IL19: variants seen among roughly 807,000 people sequenced by gnomAD.
IL19 encodes the protein interleukin 19, also known as interleukin-19.
In IL19, 15 loss-of-function variants were observed where a neutral mutation model predicts 19.5. The ratio of observed to expected loss-of-function variants is 0.77; its 90% CI spans 0.52 to 1.19. IL19 has a LOEUF of 1.19. Ranked by LOEUF, IL19 falls within the 50% of genes most tolerant of loss-of-function variation. The pLI, the probability that IL19 is intolerant of heterozygous loss-of-function variation, is 0.00. For missense variants in IL19, 199 were observed against 213.1 expected (o/e 0.93, Z 0.41); for synonymous variants, 78 against 78.3 (o/e 1.00, Z 0.02).
intron 2 of IL19, among the ~76,000 whole-genome samples, chr1:206,808,838 A>G (rs2102466038): frequency 6.6e-6 from 1 of 152,312 alleles, no homozygotes; most frequent in South Asian, 2.1e-4. Context: ...GTGGTGCAAC[A>G]AAGAAGGTGA....
rs528923245 is a variant in IL19, at chr1:206,827,992, T to C, written c.-2-8669T>C. Among the ~76,000 whole-genome samples, 4 of 152,358 alleles carry C rather than the reference T, an allele frequency of 2.6e-5. No homozygotes were observed. The South Asian group carries it at 8.3e-4, about 32-fold the overall frequency. Reference sequence around the variant, plus strand: ...GATGAAAACAGACAATGCATATGGATGCTTCACACAGACCCTGGGGTGGCA... The same window carrying C: ...GATGAAAACAGACAATGCATATGGACGCTTCACACAGACCCTGGGGTGGCA... On this transcript the variant is annotated intron_variant, in intron 2 of 6. Transcript: ENST00000659997.
At chr1:206,779,364 C>T (rs553853591) in intron 1 of IL19, among the ~76,000 whole-genome samples, 81 of 152,306 alleles carry the variant, frequency 5.3e-4, no homozygotes, top group Non-Finnish European at 1.1e-3. Flanking sequence ...ATAGTGTGGG[C>T]TCCCAGAGCT....
At chr1:206,831,006 T>C (rs147804688) in intron 2 of IL19, among the ~76,000 whole-genome samples, 2 of 152,352 alleles carry the variant, frequency 1.3e-5, no homozygotes, top group African/African-American at 4.8e-5. Flanking sequence ...ATCTAAATCC[T>C]GCAATGGGCC....
chr1:206,792,065 T>A (rs1307784772), intron 1 of IL19, among the ~76,000 whole-genome samples: 1 of 152,246 alleles, frequency 6.6e-6, no homozygotes, highest in Non-Finnish European at 1.5e-5. Context: ...CCCACTTCTC[T>A]GGAATTGCCC....
intron 1 of IL19, among the ~76,000 whole-genome samples, chr1:206,775,165 C>T (rs900295184): frequency 5.9e-5 from 9 of 151,924 alleles, no homozygotes; most frequent in Non-Finnish European, 1.2e-4. Context: ...CTCAGCGTCC[C>T]GAGTAGCTGG....
At chr1:206,831,299 A>C (rs1676603158) in intron 2 of IL19, among the ~76,000 whole-genome samples, 1 of 152,096 alleles carries the variant, frequency 6.6e-6, no homozygotes, top group African/African-American at 2.4e-5. Context: ...CTTCCCTCAC[A>C]TTCTTTCTGC....
At chr1:206,778,114 A>G (rs991497912) in intron 1 of IL19, among the ~76,000 whole-genome samples, 1 of 152,216 alleles carries the variant, frequency 6.6e-6, no homozygotes, top group Non-Finnish European at 1.5e-5. Context: ...GTGGAATGGA[A>G]CAAGGGTTAT....
rs571957164 is a variant in IL19, at chr1:206,823,424, G to A, written c.-2-13237G>A. 1.2e-4 allele frequency among the ~76,000 whole-genome samples: 18 copies of A among 151,916 alleles called. No individual in the cohort carries two copies. In the East Asian group the frequency reaches 2.7e-3, roughly 23 times the overall value. On this transcript the variant is annotated intron_variant, in intron 2 of 6. Transcript: ENST00000659997. The stretch of plus-strand genomic sequence containing the variant: ...AAAAAAATTAGCTGGGCGTGGTGGC[G>A]TGCGCCTGCAGTCCCAGCTACTCGG...
chr1:206,771,413 T>C, intron 1 of IL19: 1 of 1,607,520 alleles, frequency 6.2e-7, no homozygotes. Flanking sequence ...GATCCTTCAT[T>C]TGCTGCAGGA....
At chr1:206,809,664 G>C (rs1296426040) in intron 2 of IL19, among the ~76,000 whole-genome samples, 2 of 152,210 alleles carry the variant, frequency 1.3e-5, no homozygotes, top group African/African-American at 4.8e-5. Context: ...TATAAGGCGG[G>C]TTGTGCAATT....
intron 2 of IL19, among the ~76,000 whole-genome samples, chr1:206,812,273 C>T (rs991836258): frequency 1.3e-5 from 2 of 152,230 alleles, no homozygotes; most frequent in African/African-American, 4.8e-5. Context: ...TCATAGCCTA[C>T]TCACAGAATT....
intron 1 of IL19, among the ~76,000 whole-genome samples, chr1:206,796,670 G>A (rs990364853): frequency 6.6e-6 from 1 of 152,128 alleles, no homozygotes; most frequent in Non-Finnish European, 1.5e-5. Context: ...GCATCATGCT[G>A]TACAGGTTTG....
chr1:206,814,085 G>A (rs1676086444), intron 2 of IL19, among the ~76,000 whole-genome samples: 1 of 152,236 alleles, frequency 6.6e-6, no homozygotes, highest in African/African-American at 2.4e-5. Flanking sequence ...ATCCCTGGCT[G>A]ATATAGTTAT....
At chr1:206,800,029 C>T (rs1342850647) in intron 2 of IL19, among the ~76,000 whole-genome samples, 2 of 152,186 alleles carry the variant, frequency 1.3e-5, no homozygotes, top group South Asian at 2.1e-4. Flanking sequence ...TAATAATTAT[C>T]CAAAGTCATT....
chr1:206,833,030 C>T (rs1572573161), intron 2 of IL19, among the ~76,000 whole-genome samples: 2 of 152,322 alleles, frequency 1.3e-5, no homozygotes, highest in African/African-American at 4.8e-5. Context: ...TGCACCTCAT[C>T]CCAAGGTCAC....
chr1:206,781,908 T>C (rs1675145784), intron 1 of IL19, among the ~76,000 whole-genome samples: 1 of 124,338 alleles, frequency 8.0e-6, no homozygotes, highest in Non-Finnish European at 1.6e-5. Flanking sequence ...TATATACATA[T>C]ATATGTATAT....
intron 1 of IL19, among the ~76,000 whole-genome samples, chr1:206,776,430 G>A (rs1674996117): frequency 6.7e-6 from 1 of 148,516 alleles, no homozygotes; most frequent in Non-Finnish European, 1.5e-5. Flanking sequence ...CTGCTGGGGT[G>A]TGTGTGTGTG....
chr1:206,817,547 C>T (rs1271018712), intron 2 of IL19, among the ~76,000 whole-genome samples: 1 of 152,108 alleles, frequency 6.6e-6, no homozygotes, highest in African/African-American at 2.4e-5. Flanking sequence ...TATCTAGAGG[C>T]ATAAATCTCA....
intron 4 of IL19, among the ~76,000 whole-genome samples, chr1:206,838,078 A>G (rs552535048): frequency 6.6e-6 from 1 of 152,354 alleles, no homozygotes; most frequent in East Asian, 1.9e-4. Flanking sequence ...TTTGAGCCCA[A>G]AGTTATATGA....
Sources: gnomAD v4.1 joint callset for allele counts (sites outside exome capture counted in the v4.1 genomes callset) on GRCh38, gnomAD v4.1.1 for gene constraint, MANE v1.5 for transcripts, NCBI Gene and HGNC (gene_info 2026-07-23, HGNC 2026-07-21) for gene names.